The following KMT2C variants were observed in gnomAD, a reference collection of about 807,000 sequenced individuals.
KMT2C encodes the protein lysine methyltransferase 2C, also known as histone-lysine N-methyltransferase 2C.
Under a neutral mutation model 507.9 loss-of-function variants are expected in KMT2C, and 88 were observed. The ratio of observed to expected loss-of-function variants is 0.17; its 90% CI spans 0.15 to 0.21. The LOEUF (loss-of-function observed/expected upper bound fraction) is 0.21, where lower values mean the gene tolerates loss of function less well. KMT2C is among the 10% of genes least tolerant of loss of function. The probability of loss-of-function intolerance (pLI) is 1.00; values close to 1 mark genes in which losing one functional copy is unlikely to be tolerated. For missense variants in KMT2C, 4,954 were observed against 5,957.8 expected, an observed-to-expected ratio of 0.83 and a Z score of 5.55; for synonymous variants, 2,049 against 2,080.8, an observed-to-expected ratio of 0.98 and a Z score of 0.42.
chr7:152,373,034 C>G (rs2097303577), intron 1 of KMT2C, among the ~76,000 whole-genome samples: 1 of 151,902 alleles, frequency 6.6e-6, no homozygotes, highest in African/African-American at 2.4e-5. Flanking sequence ...TTGTATGAAA[C>G]TAGAAATCAA....
rs2095840970 is a variant in KMT2C, at chr7:152,265,052, C to CTT, written c.1169_1170insAA (p.Cys391SerfsTer15). 1 of 1,613,574 alleles carries CTT rather than the reference C, an allele frequency of 6.2e-7. No homozygotes were observed. Among genetic ancestry groups the CTT allele is most frequent in the Admixed American group, 1.7e-5 (1 of 60,004 alleles). ...TGAAAACTTACTTGCAGTTCTGGCACACTTTGCACTCAGGACATTGCCAAC... is the reference window on the plus strand; with the variant it reads ...TGAAAACTTACTTGCAGTTCTGGCACTTACTTTGCACTCAGGACATTGCCAAC... On this transcript the variant is annotated frameshift_variant, in exon 8 of 59. Coordinates refer to ENST00000262189, the MANE Select transcript of KMT2C (RefSeq NM_170606.3). LOFTEE classifies it high-confidence loss of function.
At chr7:152,195,812 T>C in intron 28 of KMT2C, 95 bp downstream of exon 28, 3 of 650,624 alleles carry the variant, frequency 4.6e-6, no homozygotes, top group Middle Eastern at 2.7e-4. Flanking sequence ...ACACAGTTAC[T>C]GGGAAACAGA....
At chr7:152,371,270 C>T (rs552284274) in intron 1 of KMT2C, among the ~76,000 whole-genome samples, 62 of 151,888 alleles carry the variant, frequency 4.1e-4, no homozygotes, top group Non-Finnish European at 6.0e-4. Context: ...TGAAAGGAGA[C>T]GTTAAATGTA....
chr7:152,236,095 T>C (rs1390720043), intron 15 of KMT2C, among the ~76,000 whole-genome samples, 162 bp from the exon 16 acceptor site: 1 of 152,248 alleles, frequency 6.6e-6, no homozygotes, highest in Non-Finnish European at 1.5e-5. Context: ...AAACGTATAC[T>C]CCACAACTTA....
rs201190450 is a variant in KMT2C at position 152,162,597 on chromosome 7, C to T, written c.10980G>A (p.Ser3660=). 130 of 1,614,172 alleles carry T rather than the reference C, an allele frequency of 8.1e-5. 1 individual carries two copies. In the East Asian group the frequency reaches 2.5e-3, roughly 32 times the overall value. Residue 3660 remains serine, a synonymous_variant, in exon 43 of 59, where the codon TCG becomes TCA. Coordinates refer to ENST00000262189, the MANE Select transcript of KMT2C (RefSeq NM_170606.3). ...GAGTGGATGGGCCGACTGGTTCCAC[C>T]GACTCTTGGTCGGCTTGTTGAGGAA... The part of the protein sequence containing the change: ...SELPQQADQE[S]VEPVGPSTPN...
intron 1 of KMT2C, among the ~76,000 whole-genome samples, chr7:152,380,978 C>A (rs1215724811): frequency 6.6e-6 from 1 of 152,234 alleles, no homozygotes; most frequent in South Asian, 2.1e-4. Context: ...AAAAGTTTTA[C>A]AGCAAAAAGT....
intron 1 of KMT2C, among the ~76,000 whole-genome samples, chr7:152,369,749 C>G (rs1244073561): frequency 2.0e-5 from 3 of 152,104 alleles, no homozygotes; most frequent in African/African-American, 7.2e-5. Flanking sequence ...AGCACAAAGC[C>G]CTCACCACAT....
intron 1 of KMT2C, among the ~76,000 whole-genome samples, chr7:152,434,751 G>A (rs1199286602): frequency 6.6e-6 from 1 of 152,184 alleles, no homozygotes; most frequent in Non-Finnish European, 1.5e-5. Flanking sequence ...TCTGTAAGAA[G>A]ACATTTCTGG....
chr7:152,148,833 A>G lies in KMT2C; in HGVS notation c.13094T>C (p.Val4365Ala). 1 of 1,614,250 alleles carries G rather than the reference A, an allele frequency of 6.2e-7. No individual in the cohort carries two copies. Among genetic ancestry groups the G allele is most frequent in the Non-Finnish European group, 8.5e-7 (1 of 1,180,040 alleles). ...MKWKKWSIHI[V>A]IPKGTFKPPC... The stretch of plus-strand genomic sequence containing the variant: ...TGGTTTAAATGTCCCCTTAGGGATT[A>G]CAATATGAATGCTCCACTTCTTCCA... The change falls in exon 52 of 59, where the codon GTA becomes GCA. Residue 4365 changes from valine (V) to alanine (A), a missense_variant. Physicochemically the swap from Val to Ala is moderately conservative, Grantham distance 64 (BLOSUM62 0). This residue lies in a region of KMT2C where 417 missense variants were observed against 461.1 expected (regional missense o/e 0.90). Coordinates refer to ENST00000262189, the MANE Select transcript of KMT2C (RefSeq NM_170606.3). The surrounding 1 kb of genome is among the most constrained non-coding windows in gnomAD (Gnocchi z 7.1).
At chr7:152,192,532 CTCTG>C (rs2093831536) in intron 31 of KMT2C, among the ~76,000 whole-genome samples, 1 of 150,676 alleles carries the variant, frequency 6.6e-6, no homozygotes, top group Admixed American at 6.6e-5. Context: ...AGGTGTGAGA[CTCTG>C]TCTCAGAAAA....
intron 6 of KMT2C, among the ~76,000 whole-genome samples, chr7:152,294,129 C>CA (rs1456871361): frequency 6.6e-6 from 1 of 151,980 alleles, no homozygotes; most frequent in South Asian, 2.1e-4. Flanking sequence ...CTCAGCCTCC[C>CA]AAAGTGCTGG....
intron 6 of KMT2C, among the ~76,000 whole-genome samples, chr7:152,286,858 G>T (rs4562226): frequency 6.8e-6 from 1 of 147,850 alleles, no homozygotes; most frequent in Admixed American, 6.7e-5. Context: ...ACACACATAC[G>T]TAAAACTCCA....
chr7:152,164,541 G>A (rs952281746), intron 42 of KMT2C, among the ~76,000 whole-genome samples: 1 of 151,844 alleles, frequency 6.6e-6, no homozygotes, highest in Non-Finnish European at 1.5e-5. Flanking sequence ...CGCCCGCCTC[G>A]GCCTCCCAAA....
intron 1 of KMT2C, chr7:152,367,801 G>A (rs1203673515): frequency 5.3e-6 from 5 of 935,944 alleles, no homozygotes; most frequent in Middle Eastern, 3.1e-4. Context: ...GTGAACAGAC[G>A]TCAGATGCCT....
At chr7:152,209,099 C>T (rs983456491) in intron 23 of KMT2C, among the ~76,000 whole-genome samples, 1 of 147,200 alleles carries the variant, frequency 6.8e-6, no homozygotes, top group Admixed American at 7.0e-5. Context: ...GCGGAGGTTT[C>T]AGTGAGCCGA....
At chr7:152,298,774 T>C (rs1050757745) in intron 6 of KMT2C, among the ~76,000 whole-genome samples, 2 of 152,226 alleles carry the variant, frequency 1.3e-5, no homozygotes, top group African/African-American at 4.8e-5. Context: ...CTAAGAGATA[T>C]ATGTTTAATA....
chr7:152,282,074 T>C (rs2096223824), intron 6 of KMT2C, among the ~76,000 whole-genome samples: 3 of 152,216 alleles, frequency 2.0e-5, no homozygotes, highest in African/African-American at 2.4e-5. Context: ...GGCGGATCAC[T>C]TGAGACCAGG....
Position 152,162,640 on chromosome 7 carries a change from A to G in KMT2C, c.10937T>C (p.Val3646Ala). The change falls in exon 43 of 59, where the codon GTG becomes GCG. Residue 3646 changes from valine (V) to alanine (A), a missense_variant. Coordinates refer to ENST00000262189, the MANE Select transcript of KMT2C (RefSeq NM_170606.3). ...TTGAGGAAGCTCACTGGGTGTGCTC[A>G]CTGCAGGAGTAGAGGTAGTTTCTGA... ...GISETTSTPA[V>A]STPSELPQQA... 6.2e-7 allele frequency: 1 copy of G among 1,614,216 alleles called. No individual in the cohort carries two copies. The highest frequency in any genetic ancestry group is 8.5e-7 in the Non-Finnish European group (1 of 1,180,034).
intron 16 of KMT2C, among the ~76,000 whole-genome samples, chr7:152,234,589 C>A (rs376140269): frequency 6.6e-6 from 1 of 151,952 alleles, no homozygotes; most frequent in Non-Finnish European, 1.5e-5. Flanking sequence ...CAAAACCAGA[C>A]GAAGACATTA....
Sources: gnomAD v4.1 joint callset for allele counts (sites outside exome capture counted in the v4.1 genomes callset) on GRCh38, gnomAD v4.1.1 for gene constraint, gnomAD v4.1.1 regional missense constraint, Gnocchi (gnomAD v3.1) non-coding constraint, MANE v1.5 for transcripts, NCBI Gene and HGNC (gene_info 2026-07-23, HGNC 2026-07-21) for gene names.